The following UBE2E3 variants were observed in gnomAD, a reference collection of about 807,000 sequenced individuals.
UBE2E3 encodes the protein ubiquitin-conjugating enzyme E2 E3.
A neutral mutation model predicts 23.6 loss-of-function variants in UBE2E3; 5 were observed. The observed-to-expected ratio is 0.21, with a 90% CI of 0.11 to 0.44. The LOEUF is 0.44. Ranked by LOEUF, UBE2E3 falls within the 20% of genes least tolerant of loss-of-function variation. The pLI, the probability that UBE2E3 is intolerant of heterozygous loss-of-function variation, is 0.99. For synonymous variants in UBE2E3, 78 were observed against 87.5 expected, an observed-to-expected ratio of 0.89 and a Z score of 0.60; for missense variants, 81 against 249.8, an observed-to-expected ratio of 0.32 and a Z score of 4.55.
chr2:180,987,766 G>T (rs1231777090), intron 3 of UBE2E3, among the ~76,000 whole-genome samples: 1 of 152,028 alleles, frequency 6.6e-6, no homozygotes, highest in African/African-American at 2.4e-5. Context: ...TCTTCTGAGG[G>T]TTGCTACCAC....
At chr2:181,037,022 T>C (rs1336909414) in intron 3 of UBE2E3, among the ~76,000 whole-genome samples, 3 of 152,180 alleles carry the variant, frequency 2.0e-5, no homozygotes, top group Non-Finnish European at 4.4e-5. Flanking sequence ...ATGCATTGTA[T>C]AATGACATTT....
intron 4 of UBE2E3, among the ~76,000 whole-genome samples, chr2:181,060,080 T>C (rs529663068): frequency 1.4e-4 from 22 of 151,826 alleles, no homozygotes; most frequent in Non-Finnish European, 2.7e-4. Context: ...ATTTTAATAT[T>C]TTAGCCTAAC....
chr2:181,030,112 G>A (rs1354830110), intron 3 of UBE2E3, among the ~76,000 whole-genome samples: 1 of 151,954 alleles, frequency 6.6e-6, no homozygotes, highest in African/African-American at 2.4e-5. Flanking sequence ...GATTACAGGT[G>A]TGAGCCACCA....
intron 4 of UBE2E3, among the ~76,000 whole-genome samples, chr2:181,058,957 GA>G (rs1574227397): frequency 6.6e-6 from 1 of 151,556 alleles, no homozygotes; most frequent in Non-Finnish European, 1.5e-5. Context: ...ATTAATTGAA[GA>G]AAAAGACTCT....
intron 3 of UBE2E3, among the ~76,000 whole-genome samples, chr2:181,028,982 A>G (rs534771407): frequency 6.6e-6 from 1 of 152,178 alleles, no homozygotes; most frequent in Non-Finnish European, 1.5e-5. Flanking sequence ...GCTTGCCCTT[A>G]GTGTTCCAAA....
intron 3 of UBE2E3, among the ~76,000 whole-genome samples, chr2:181,000,834 A>C (rs1270238757): frequency 2.0e-5 from 3 of 152,164 alleles, no homozygotes; most frequent in African/African-American, 7.2e-5. Flanking sequence ...TAACTTTTTA[A>C]ATTCATAAGC....
intron 3 of UBE2E3, among the ~76,000 whole-genome samples, chr2:181,016,920 G>C (rs1574185463): frequency 6.6e-6 from 1 of 152,314 alleles, no homozygotes; most frequent in East Asian, 1.9e-4. Context: ...CAGAGAGAGG[G>C]AACCTCTTTA....
chr2:180,990,793 G>A (rs527927033), intron 3 of UBE2E3, among the ~76,000 whole-genome samples: 8 of 152,242 alleles, frequency 5.3e-5, no homozygotes, highest in African/African-American at 1.9e-4. Context: ...GTTTGACATT[G>A]AATTACACAC....
intron 3 of UBE2E3, among the ~76,000 whole-genome samples, chr2:180,986,327 A>G (rs1220018067): frequency 1.3e-5 from 2 of 152,140 alleles, no homozygotes; most frequent in Non-Finnish European, 2.9e-5. Flanking sequence ...GTGTTTTACC[A>G]TATGCCTCAC....
At chr2:181,058,088 T>G (rs1188219213) in intron 4 of UBE2E3, among the ~76,000 whole-genome samples, 1 of 151,686 alleles carries the variant, frequency 6.6e-6, no homozygotes, top group East Asian at 1.9e-4. Context: ...ATTTTATGCT[T>G]ATGAGGGAGA....
chr2:181,048,479 A>G (rs1401169594), intron 3 of UBE2E3, among the ~76,000 whole-genome samples: 1 of 152,126 alleles, frequency 6.6e-6, no homozygotes, highest in Non-Finnish European at 1.5e-5. Flanking sequence ...AAGCAATACC[A>G]TTTCCTGGTT....
intron 3 of UBE2E3, among the ~76,000 whole-genome samples, chr2:181,034,993 T>C (rs567188112): frequency 7.2e-5 from 11 of 152,290 alleles, no homozygotes; most frequent in African/African-American, 2.6e-4. Flanking sequence ...ACAACTAATA[T>C]TTTAGGTGAT....
chr2:181,009,013 T>C (rs1685235778), intron 3 of UBE2E3, among the ~76,000 whole-genome samples: 1 of 142,742 alleles, frequency 7.0e-6, no homozygotes, highest in African/African-American at 2.5e-5. Context: ...TTAAATATTA[T>C]AGCAGTGCTA....
intron 3 of UBE2E3, among the ~76,000 whole-genome samples, chr2:181,051,912 TG>T (rs1434870050): frequency 2.6e-5 from 4 of 151,950 alleles, no homozygotes; most frequent in African/African-American, 9.7e-5. Flanking sequence ...CCTAAAATTT[TG>T]TATCTGTTTT....
rs114235801 is a variant in UBE2E3, at chr2:180,997,457, C to T, written c.245+13364C>T. Among the ~76,000 whole-genome samples, 1,012 of 152,016 alleles carry T rather than the reference C, an allele frequency of 6.7e-3. 8 individuals carry two copies. The highest frequency in any genetic ancestry group is 0.01 in the Non-Finnish European group (706 of 67,962). ...CTTTCCTGATGTACTTGAAATGTGT[C>T]TTCTTTCTCCCACTCTCCTTAGTAT... On this transcript the variant is annotated intron_variant, in intron 3 of 5. Transcript: ENST00000410062.
intron 3 of UBE2E3, among the ~76,000 whole-genome samples, chr2:181,038,717 C>T (rs1200053360): frequency 6.6e-6 from 1 of 151,212 alleles, no homozygotes; most frequent in African/African-American, 2.5e-5. Flanking sequence ...CCAGAACATG[C>T]AAGTCTTAAC....
intron 3 of UBE2E3, among the ~76,000 whole-genome samples, chr2:181,015,456 A>G (rs1293679485): frequency 2.6e-5 from 4 of 152,166 alleles, no homozygotes; most frequent in Admixed American, 6.6e-5. Flanking sequence ...TTTTTGCAAT[A>G]AAGACTAACA....
chr2:181,057,004 G>T (rs1006149065), intron 3 of UBE2E3, among the ~76,000 whole-genome samples: 2 of 151,564 alleles, frequency 1.3e-5, no homozygotes, highest in Non-Finnish European at 3.0e-5. Context: ...AGGAAACATG[G>T]CAAGCTCAAA....
intron 4 of UBE2E3, among the ~76,000 whole-genome samples, chr2:181,059,518 A>G (rs181311695): frequency 4.8e-4 from 73 of 151,900 alleles, no homozygotes; most frequent in African/African-American, 1.7e-3. Flanking sequence ...TTTTAATACT[A>G]TATTAGTTAA....
Sources: allele counts gnomAD v4.1 joint callset (sites outside exome capture counted in the v4.1 genomes callset), GRCh38; gene constraint gnomAD v4.1.1; transcripts MANE v1.5; gene names NCBI Gene and HGNC (gene_info 2026-07-23, HGNC 2026-07-21).